NEMP1: variants seen among roughly 807,000 people sequenced by gnomAD.
The protein encoded by NEMP1 is transmembrane protein 194.
Under a neutral mutation model 53.7 loss-of-function variants are expected in NEMP1, and 29 were observed. The ratio of observed to expected loss-of-function variants is 0.54; its 90% CI spans 0.40 to 0.74. The LOEUF is 0.74. Among genes scored for constraint, NEMP1 ranks in the 30% least tolerant of loss-of-function variants. The pLI is 0.00. For missense variants in NEMP1, 477 were observed against 528.6 expected (o/e 0.90, Z 0.96); for synonymous variants, 193 against 192.9 (o/e 1.00, Z 0.00).
chr12:57,078,542 C>T (rs530537417), intron 1 of NEMP1, 77 bp downstream of exon 1: 4 of 1,519,606 alleles, frequency 2.6e-6, no homozygotes, highest in Non-Finnish European at 3.5e-6. Context: ...TAACGGCCCG[C>T]GCCCTCGGGA....
At chr12:57,068,242 C>T (rs7298475) in intron 4 of NEMP1, among the ~76,000 whole-genome samples, 13,794 of 152,172 alleles carry the variant, frequency 0.091, 658 homozygotes, top group East Asian at 0.19. Context: ...GTTGATTTTA[C>T]CTTCATTCAA....
rs1257292746 is a variant in NEMP1 at position 57,072,856 on chromosome 12, C to T, written c.184G>A (p.Ala62Thr). The T allele has an allele frequency of 1.4e-5, 22 of 1,613,514 alleles. No homozygotes were observed. Among genetic ancestry groups the T allele is most frequent in the Non-Finnish European group, 1.9e-5 (22 of 1,179,780 alleles). ...TTTGTGTAACAGAATTGTTGGCTGGCACGCTTTTCACAAACTTGGGATTCC... is the reference window on the plus strand; with the variant it reads ...TTTGTGTAACAGAATTGTTGGCTGGTACGCTTTTCACAAACTTGGGATTCC... ...LQESQVCEKR[A>T]SQQFCYTNVL... Residue 62 changes from alanine (A) to threonine (T), a missense_variant, in exon 2 of 9, where the codon GCC (alanine) becomes ACC (threonine). By Grantham distance (58) the Ala-to-Thr change is moderately conservative (BLOSUM62 0). Transcript: ENST00000300128.
upstream of NEMP1, chr12:57,088,111 C>T (rs1325154069): frequency 6.6e-6 from 1 of 152,242 alleles, no homozygotes; most frequent in Non-Finnish European, 1.5e-5. Flanking sequence ...GGGCGAGGTC[C>T]CTAATAGACG....
chr12:57,083,922 C>G (rs1238293586), intron 1 of NEMP1, among the ~76,000 whole-genome samples: 4 of 151,726 alleles, frequency 2.6e-5, no homozygotes, highest in African/African-American at 9.7e-5. Context: ...TACAGGCGCC[C>G]GCCACCACGC....
At chr12:57,072,672 G>T in intron 2 of NEMP1, 116 bp downstream of exon 2, 2 of 1,170,674 alleles carry the variant, frequency 1.7e-6, no homozygotes, top group African/African-American at 1.5e-5. Flanking sequence ...ACCCTAACAA[G>T]ATTGTTAACA....
chr12:57,059,774 C>G lies in NEMP1; in HGVS notation c.*105G>C. 1 of 1,038,222 alleles carries G rather than the reference C, an allele frequency of 9.6e-7. No homozygotes were observed. The highest frequency in any genetic ancestry group is 1.4e-6 in the Non-Finnish European group (1 of 726,312). The allele number at this position is 1,038,222 out of a possible 1,614,324, so 64.3% of individuals were successfully genotyped here. ...TCTTATTTCAGTAGGAGAATTTCTA[C>G]CCTATCTATCTCACTCTGTTTCAAA... On this transcript the variant is annotated 3_prime_UTR_variant, in exon 9 of 9. Coordinates refer to ENST00000300128, the MANE Select transcript of NEMP1 (RefSeq NM_001130963.2).
chr12:57,063,276 G>A lies in NEMP1; in HGVS notation c.823C>T (p.Arg275Ter), dbSNP rs752703106. The part of the protein sequence containing the change: ...CYKYGPLENE[R>*]SINLLTWTLQ... ...GTCCAGGTCAGCAGGTTGATACTTCGTTCATTCTCCAAGGGCCCATACTTG... is the reference window on the plus strand; with the variant it reads ...GTCCAGGTCAGCAGGTTGATACTTCATTCATTCTCCAAGGGCCCATACTTG... Residue 275 changes from arginine (R) to a stop codon, truncating the protein, a stop_gained, in exon 7 of 9, where the codon CGA (arginine) becomes TGA (stop). Coordinates refer to ENST00000300128, the MANE Select transcript of NEMP1 (RefSeq NM_001130963.2). LOFTEE classifies it high-confidence loss of function. 6 of 1,614,006 alleles carry A rather than the reference G, an allele frequency of 3.7e-6. No homozygotes were observed. The highest frequency in any genetic ancestry group is 2.2e-5 in the East Asian group (1 of 44,894).
At chr12:57,080,673 T>G (rs190144879), upstream of NEMP1, among the ~76,000 whole-genome samples, 3 of 143,840 alleles carry the variant, frequency 2.1e-5, no homozygotes, top group Non-Finnish European at 4.6e-5. Flanking sequence ...GGAGGATCAC[T>G]TGAGGCCAGA....
At chr12:57,068,078 C>A (rs750653185) in intron 4 of NEMP1, among the ~76,000 whole-genome samples, 9 of 150,954 alleles carry the variant, frequency 6.0e-5, no homozygotes, top group Non-Finnish European at 1.2e-4. Context: ...GCCCCCCATT[C>A]CAGATTTTTT....
At chr12:57,078,947 GC>G (rs1176035569), upstream of NEMP1, among the ~76,000 whole-genome samples, 18 of 152,212 alleles carry the variant, frequency 1.2e-4, no homozygotes, top group African/African-American at 4.3e-4. Context: ...GCAGCTTTCA[GC>G]CTATTGGAAA....
rs1330648178 is a variant in NEMP1 at position 57,072,768 on chromosome 12, A to ACT, written c.252+19_252+20insAG. 1.3e-6 allele frequency: 2 copies of ACT among 1,577,292 alleles called. No individual in the cohort carries two copies. ...GAAATTTACAGAAGCTGCCACTGCC[A>ACT]GAGGATTCCAAGTTATTACCTGTAT... is the stretch of plus-strand genomic sequence containing the variant. On this transcript the variant is annotated intron_variant, in intron 2 of 8. Coordinates refer to ENST00000300128, the MANE Select transcript of NEMP1 (RefSeq NM_001130963.2).
intron 1 of NEMP1, among the ~76,000 whole-genome samples, chr12:57,077,458 A>G (rs2032689304): frequency 6.6e-6 from 1 of 152,108 alleles, no homozygotes; most frequent in African/African-American, 2.4e-5. Flanking sequence ...AGATTGCACC[A>G]CTGCACTCCA....
intron 2 of NEMP1, among the ~76,000 whole-genome samples, chr12:57,071,844 A>T (rs1388080910): frequency 6.6e-6 from 1 of 151,648 alleles, no homozygotes; most frequent in African/African-American, 2.4e-5. Context: ...AAACAAATCC[A>T]CAAGTCCACC....
In NEMP1 at chr12:57,056,969, T is replaced by G. The variant is rs2031555635; in HGVS notation, c.*2910A>C. 6.6e-6 allele frequency: 1 copy of G among 152,190 alleles called. No homozygotes were observed. Among genetic ancestry groups the G allele is most frequent in the Admixed American group, 6.5e-5 (1 of 15,282 alleles). The allele number at this position is 152,190 out of a possible 1,614,324, so 9.4% of individuals were successfully genotyped here. ...TTTGAGGGGAAAAATAAACTAGTTT[T>G]GGTGGGATGCAGTGGCTAACAGGAA... is the stretch of plus-strand genomic sequence containing the variant. On this transcript the variant is annotated 3_prime_UTR_variant, in exon 9 of 9. Transcript: ENST00000300128.
At chr12:57,085,213 T>G (rs1191211024) in intron 1 of NEMP1, among the ~76,000 whole-genome samples, 1 of 152,236 alleles carries the variant, frequency 6.6e-6, no homozygotes, top group Non-Finnish European at 1.5e-5. Context: ...GACTCACTTT[T>G]TGCTCTGTGG....
intron 4 of NEMP1, among the ~76,000 whole-genome samples, chr12:57,068,983 G>T (rs1248504633): frequency 2.6e-5 from 4 of 152,138 alleles, no homozygotes; most frequent in Non-Finnish European, 5.9e-5. Context: ...CCATTTCATT[G>T]TATTGGCTAA....
chr12:57,071,207 T>C (rs2032329969), intron 2 of NEMP1, among the ~76,000 whole-genome samples: 1 of 152,110 alleles, frequency 6.6e-6, no homozygotes, highest in Admixed American at 6.6e-5. Flanking sequence ...TTATTAGAGA[T>C]CACACAAAGC....
At chr12:57,061,693 CAA>C (rs35332826) in intron 7 of NEMP1, among the ~76,000 whole-genome samples, 3 of 89,586 alleles carry the variant, frequency 3.3e-5, no homozygotes, top group Non-Finnish European at 4.1e-5. Flanking sequence ...AACTCCATCT[CAA>C]AAAAAAAAAA....
At chr12:57,086,922 G>A (rs893306982) in intron 1 of NEMP1, among the ~76,000 whole-genome samples, 2 of 152,238 alleles carry the variant, frequency 1.3e-5, no homozygotes, top group African/African-American at 4.8e-5. Context: ...AATTTAGAGA[G>A]TTTTCCCGTA....
Sources: allele counts gnomAD v4.1 joint callset (sites outside exome capture counted in the v4.1 genomes callset), GRCh38; gene constraint gnomAD v4.1.1; transcripts MANE v1.5; gene names NCBI Gene and HGNC (gene_info 2026-07-23, HGNC 2026-07-21).